ANKRD6: variants seen among roughly 807,000 people sequenced by gnomAD.
The protein encoded by ANKRD6 is ankyrin repeat domain 6.
ANKRD6 carries 56 observed loss-of-function variants against 82.3 expected under a neutral mutation model. The ratio of observed to expected loss-of-function variants is 0.68; its 90% confidence interval spans 0.55 to 0.85. ANKRD6 has a LOEUF of 0.85. Among genes scored for constraint, ANKRD6 ranks in the 40% least tolerant of loss-of-function variants. The pLI is 0.00. For synonymous variants in ANKRD6, 347 were observed against 352.1 expected, an observed-to-expected ratio of 0.99 and a Z score of 0.16; for missense variants, 852 against 907.6, an observed-to-expected ratio of 0.94 and a Z score of 0.79.
At chr6:89,629,417 A>G (rs1806816823) in intron 15 of ANKRD6, 179 bp downstream of exon 15, 1 of 802,072 alleles carries the variant, frequency 1.2e-6, no homozygotes, top group African/African-American at 1.7e-5. Flanking sequence ...TTGCTATGTA[A>G]TAATAAAGCA....
chr6:89,545,848 A>T (rs1239220320), intron 1 of ANKRD6, among the ~76,000 whole-genome samples: 2 of 152,232 alleles, frequency 1.3e-5, no homozygotes, highest in African/African-American at 4.8e-5. Context: ...ACTGTTGCCC[A>T]GACTGGAGTG....
At chr6:89,586,181 T>C (rs950795459) in intron 2 of ANKRD6, among the ~76,000 whole-genome samples, 2 of 152,160 alleles carry the variant, frequency 1.3e-5, no homozygotes, top group Non-Finnish European at 2.9e-5. Context: ...ATCAGGTGGG[T>C]TCCAGGAATG....
At chr6:89,481,007 A>G (rs1216418436) in intron 1 of ANKRD6, among the ~76,000 whole-genome samples, 1 of 151,926 alleles carries the variant, frequency 6.6e-6, no homozygotes, top group Non-Finnish European at 1.5e-5. Context: ...TTATAGGAGC[A>G]CACAATGTAG....
chr6:89,537,765 A>G (rs181237766), intron 1 of ANKRD6, among the ~76,000 whole-genome samples: 1 of 151,352 alleles, frequency 6.6e-6, no homozygotes, highest in Admixed American at 6.6e-5. Context: ...GCATAATGGC[A>G]TGCTCCTGCA....
intron 1 of ANKRD6, among the ~76,000 whole-genome samples, chr6:89,477,448 T>A (rs1471635564): frequency 6.6e-6 from 1 of 152,046 alleles, no homozygotes; most frequent in Non-Finnish European, 1.5e-5. Context: ...GTCATGGACC[T>A]TTTTAAAAAT....
At chr6:89,486,647 A>T (rs906465234) in intron 1 of ANKRD6, among the ~76,000 whole-genome samples, 1 of 151,936 alleles carries the variant, frequency 6.6e-6, no homozygotes, top group African/African-American at 2.4e-5. Flanking sequence ...TTAATTTTTA[A>T]TTTTTTTGTA....
At chr6:89,562,654 G>T (rs909725044) in intron 1 of ANKRD6, 1 of 152,196 alleles carries the variant, frequency 6.6e-6, no homozygotes, top group Admixed American at 6.5e-5. Flanking sequence ...AAGCTGTGAC[G>T]AGCAGACTAG....
chr6:89,610,406 C>T (rs774650117), intron 5 of ANKRD6, among the ~76,000 whole-genome samples: 15 of 152,020 alleles, frequency 9.9e-5, no homozygotes, highest in Admixed American at 5.2e-4. Context: ...GAGATTCCTC[C>T]GTGTCGTTAC....
intron 1 of ANKRD6, among the ~76,000 whole-genome samples, chr6:89,536,260 A>G (rs1459696952): frequency 6.6e-6 from 1 of 152,170 alleles, no homozygotes; most frequent in Non-Finnish European, 1.5e-5. Flanking sequence ...CCTTACCACA[A>G]TGTGTGGCCC....
intron 1 of ANKRD6, among the ~76,000 whole-genome samples, chr6:89,449,636 C>A (rs976535659): frequency 2.0e-5 from 3 of 152,196 alleles, no homozygotes; most frequent in Admixed American, 6.5e-5. Context: ...TGCCCAGTAA[C>A]GGCATTTTCA....
In ANKRD6 at chr6:89,627,704, C is replaced by T. The variant is rs765725078; in HGVS notation, c.1485+8C>T. The T allele has an allele frequency of 1.2e-6, 2 of 1,612,644 alleles. No homozygotes were observed. The highest frequency in any genetic ancestry group is 2.2e-5 in the East Asian group (1 of 44,854). ...GAGGGGGAGAAACGACAGGTAGGAA[C>T]CAGCATCTGCTAGTCCTTAACTTAT... On this transcript the variant is annotated splice_region_variant and intron_variant, in intron 14 of 15. Transcript: ENST00000339746.
At chr6:89,586,699 G>C (rs1360802762) in intron 2 of ANKRD6, among the ~76,000 whole-genome samples, 1 of 151,914 alleles carries the variant, frequency 6.6e-6, no homozygotes, top group African/African-American at 2.4e-5. Flanking sequence ...GAGAAAAAAA[G>C]AAAATGTAGT....
At position 89,580,023 on chromosome 6, in the gene ANKRD6, A is replaced by G. The variant is rs893965686; in HGVS notation, c.120+12927A>G. Among the ~76,000 whole-genome samples the G allele has an allele frequency of 5.3e-5, 8 of 152,254 alleles. 1 individual carries two copies. The highest frequency in any genetic ancestry group is 4.1e-4 in the South Asian group (2 of 4,826). On this transcript the variant is annotated intron_variant, in intron 2 of 15. Transcript: ENST00000339746. ...GACAGAAAATAGATCAGTGATTGCT[A>G]GGGGCTGGAGATGGTGGGAAATTAT...
At chr6:89,602,002 A>G (rs1358159408) in intron 3 of ANKRD6, 1 of 152,104 alleles carries the variant, frequency 6.6e-6, no homozygotes, top group Non-Finnish European at 1.5e-5. Context: ...ATAGAATCCA[A>G]GAAGGCAATG....
chr6:89,509,653 A>G (rs940333382), intron 1 of ANKRD6, among the ~76,000 whole-genome samples: 1 of 152,234 alleles, frequency 6.6e-6, no homozygotes, highest in African/African-American at 2.4e-5. Context: ...TAAAGGTTAT[A>G]TGGTACTTGC....
chr6:89,570,053 ATGTGTG>A (rs1170562125), intron 2 of ANKRD6, among the ~76,000 whole-genome samples: 9 of 82,080 alleles, frequency 1.1e-4, no homozygotes, highest in African/African-American at 3.9e-4. Flanking sequence ...GTGTGTGTGT[ATGTGTG>A]TATATGTGTG....
chr6:89,470,077 A>G (rs1269556913), intron 1 of ANKRD6, among the ~76,000 whole-genome samples: 5 of 152,190 alleles, frequency 3.3e-5, no homozygotes, highest in African/African-American at 1.2e-4. Context: ...AATCTTTTAA[A>G]ATGCCATCAC....
At chr6:89,452,406 G>A (rs1772948202) in intron 1 of ANKRD6, among the ~76,000 whole-genome samples, 1 of 152,100 alleles carries the variant, frequency 6.6e-6, no homozygotes, top group Non-Finnish European at 1.5e-5. Context: ...TAAGTGAGGG[G>A]GGAAATGTTA....
intron 1 of ANKRD6, among the ~76,000 whole-genome samples, chr6:89,444,273 C>T (rs1380026300): frequency 1.3e-5 from 2 of 152,124 alleles, no homozygotes; most frequent in African/African-American, 2.4e-5. Flanking sequence ...ATTTGCTGTT[C>T]AAAAACTTAG....
Sources: gnomAD v4.1 joint callset for allele counts (sites outside exome capture counted in the v4.1 genomes callset) on GRCh38, gnomAD v4.1.1 for gene constraint, MANE v1.5 for transcripts, NCBI Gene and HGNC (gene_info 2026-07-23, HGNC 2026-07-21) for gene names.